The following CHM variants were observed in gnomAD, a reference collection of about 807,000 sequenced individuals.
The protein encoded by CHM is rab proteins geranylgeranyltransferase component A 1.
Under a neutral mutation model 49.0 loss-of-function variants are expected in CHM, and 10 were observed. That is an observed-to-expected ratio of 0.20 (90% confidence interval 0.13 to 0.35). CHM has a LOEUF of 0.35. CHM is among the 10% of genes least tolerant of loss of function. The pLI is 1.00. For synonymous variants in CHM, 184 were observed against 167.5 expected, an observed-to-expected ratio of 1.10 and a Z score of -0.76; for missense variants, 455 against 478.4, an observed-to-expected ratio of 0.95 and a Z score of 0.46.
At chrX:86,002,277 G>C (rs1932757268) in intron 2 of CHM, among the ~76,000 whole-genome samples, 1 of 112,015 alleles carries the variant, frequency 8.9e-6, no homozygotes, top group Non-Finnish European at 1.9e-5. Flanking sequence ...TGAGATAAAA[G>C]GAACCAGAGT....
At chrX:85,877,453 T>G (rs1924487042) in intron 13 of CHM, among the ~76,000 whole-genome samples, 1 of 111,114 alleles carries the variant, frequency 9.0e-6, no homozygotes, top group Admixed American at 9.6e-5. Flanking sequence ...GGATGGGTAA[T>G]GGAGAAGGAA....
At chrX:85,960,108 G>T (rs1382204831) in intron 5 of CHM, among the ~76,000 whole-genome samples, 1 of 111,254 alleles carries the variant, frequency 9.0e-6, no homozygotes, top group Non-Finnish European at 1.9e-5. Context: ...ATGTTTTAAA[G>T]AATATATTGC....
intron 9 of CHM, among the ~76,000 whole-genome samples, chrX:85,907,885 C>G (rs1926699377): frequency 9.0e-6 from 1 of 111,620 alleles, no homozygotes; most frequent in Non-Finnish European, 1.9e-5. Flanking sequence ...TCTGGAGATA[C>G]AACAGTGAGA....
intron 4 of CHM, among the ~76,000 whole-genome samples, chrX:85,972,704 C>T (rs1018604110): frequency 1.3e-4 from 15 of 112,466 alleles, no homozygotes; most frequent in East Asian, 8.6e-4. Flanking sequence ...GGCCCGCAAG[C>T]GCCACGCGCA....
At chrX:85,988,177 T>A (rs1486411111) in intron 2 of CHM, among the ~76,000 whole-genome samples, 2 of 112,043 alleles carry the variant, frequency 1.8e-5, no homozygotes, top group Non-Finnish European at 3.8e-5. Flanking sequence ...GAAGGCTTCA[T>A]CCCCGGGATG....
intron 2 of CHM, among the ~76,000 whole-genome samples, chrX:86,021,180 A>G (rs1250269310): frequency 1.1e-5 from 1 of 92,662 alleles, no homozygotes; most frequent in East Asian, 3.4e-4. Flanking sequence ...ATGTGTATAT[A>G]TATATATATA....
At chrX:85,878,180 C>A (rs5922202) in intron 13 of CHM, among the ~76,000 whole-genome samples, 2 of 111,209 alleles carry the variant, frequency 1.8e-5, no homozygotes, top group African/African-American at 6.5e-5. Flanking sequence ...GCACACTATG[C>A]ATTAAAAGAC....
At chrX:85,983,378 G>A (rs1931735055) in intron 2 of CHM, among the ~76,000 whole-genome samples, 1 of 110,279 alleles carries the variant, frequency 9.1e-6, no homozygotes, top group Non-Finnish European at 1.9e-5. Flanking sequence ...GCATCAGAGA[G>A]AACAGTGAAA....
chrX:85,971,155 T>C, intron 4 of CHM: 1 of 752,052 alleles, frequency 1.3e-6, no homozygotes, highest in African/African-American at 2.3e-5. Flanking sequence ...CCCAAATACT[T>C]TGACGTATTT....
chrX:86,027,504 G>A lies in CHM; in HGVS notation c.103C>T (p.Leu35=). The change falls in exon 2 of 15, where the codon CTG becomes TTG. Residue 35 remains leucine (L), a synonymous_variant. Coordinates refer to ENST00000357749, the MANE Select transcript of CHM (RefSeq NM_000390.4). The part of the protein sequence containing the change: ...AACSRSGRRV[L]HVDSRSYYGG... ...TGATAAACTTACGAATCAACATGCA[G>A]AACTCTCCGGCCACTTCTTGAACAT... The A allele has an allele frequency of 5.8e-6, 7 of 1,208,152 alleles. No individual in the cohort carries two copies. Among genetic ancestry groups the A allele is most frequent in the Non-Finnish European group, 7.8e-6 (7 of 892,544 alleles).
At chrX:85,911,229 A>G (rs1328453087) in intron 9 of CHM, 32 bp downstream of exon 9, 3 of 200,373 alleles carry the variant, frequency 1.5e-5, no homozygotes, top group South Asian at 7.7e-5. Flanking sequence ...ATATATATAT[A>G]TATATATGAA....
chrX:85,921,079 A>T, intron 8 of CHM, among the ~76,000 whole-genome samples: 1 of 112,111 alleles, frequency 8.9e-6, no homozygotes. Flanking sequence ...CTAGCAAATT[A>T]TGACTATCTT....
intron 13 of CHM, among the ~76,000 whole-genome samples, chrX:85,873,938 T>A (rs1435500410): frequency 2.7e-5 from 3 of 111,684 alleles, no homozygotes; most frequent in Non-Finnish European, 5.7e-5. Flanking sequence ...TAACAGTGAA[T>A]GCCATTTTGA....
At chrX:85,927,308 C>T (rs1195153494) in intron 8 of CHM, among the ~76,000 whole-genome samples, 1 of 111,555 alleles carries the variant, frequency 9.0e-6, no homozygotes, top group Non-Finnish European at 1.9e-5. Context: ...TAGTTAGTAT[C>T]ACCAGCTAGC....
At chrX:86,038,319 A>C (rs776725104) in intron 1 of CHM, among the ~76,000 whole-genome samples, 16 of 111,965 alleles carry the variant, frequency 1.4e-4, no homozygotes, top group Non-Finnish European at 2.6e-4. Context: ...TTCACTACAG[A>C]CTAAGGCATA....
At chrX:85,916,781 A>G (rs373355440) in intron 8 of CHM, among the ~76,000 whole-genome samples, 46 of 112,337 alleles carry the variant, frequency 4.1e-4, no homozygotes, top group South Asian at 2.2e-3. Context: ...TATTACTAAA[A>G]CATCAAAAAA....
intron 9 of CHM, among the ~76,000 whole-genome samples, chrX:85,910,127 A>C (rs1261864628): frequency 8.9e-6 from 1 of 111,780 alleles, no homozygotes; most frequent in Non-Finnish European, 1.9e-5. Context: ...CTTCTAAAGC[A>C]AATTTACTAT....
chrX:85,963,748 T>C lies in CHM; in HGVS notation c.619A>G (p.Thr207Ala), dbSNP rs374880482. 4.9e-5 allele frequency: 59 copies of C among 1,207,964 alleles called. No individual in the cohort carries two copies. Among genetic ancestry groups the C allele is most frequent in the Non-Finnish European group, 6.3e-5 (56 of 893,213 alleles). Residue 207 changes from threonine (T) to alanine (A), a missense_variant, in exon 5 of 15, where the codon ACA (threonine) becomes GCA (alanine). Thr to Ala is a moderately conservative substitution (Grantham distance 58). Coordinates refer to ENST00000357749, the MANE Select transcript of CHM (RefSeq NM_000390.4). ...ATTCTGTTTTTCTTTGGTTGCTCTG[T>C]GGTATCTTCTGCTATAGGCACATTT... ...SENVPIAEDTTEQPKKNRITY... is the reference protein window; with the variant it reads ...SENVPIAEDTAEQPKKNRITY...
intron 8 of CHM, among the ~76,000 whole-genome samples, chrX:85,914,959 T>C (rs775840403): frequency 9.1e-6 from 1 of 110,285 alleles, no homozygotes; most frequent in African/African-American, 3.3e-5. Context: ...CTTGGCCACC[T>C]GAAAGTACCC....
Sources: gnomAD v4.1 joint callset for allele counts (sites outside exome capture counted in the v4.1 genomes callset) on GRCh38, gnomAD v4.1.1 for gene constraint, MANE v1.5 for transcripts, NCBI Gene and HGNC (gene_info 2026-07-23, HGNC 2026-07-21) for gene names.